ZNF488: variants seen among roughly 807,000 people sequenced by gnomAD.
ZNF488 encodes the protein zinc finger protein 488.
In ZNF488, 1 loss-of-function variant was observed where a neutral mutation model predicts 1.2. The ratio of observed to expected loss-of-function variants is 0.86; its 90% CI spans 0.30 to 4.07. The LOEUF is 4.07. ZNF488 is among the 30% of genes most tolerant of loss of function. The pLI, the probability that ZNF488 is intolerant of heterozygous loss-of-function variation, is 0.18. For synonymous variants in ZNF488, 185 were observed against 190.1 expected (o/e 0.97, Z 0.22); for missense variants, 450 against 437.9 (o/e 1.03, Z -0.25).
chr10:47,374,079 G>A (rs929513515), intron 1 of ZNF488, among the ~76,000 whole-genome samples: 3 of 152,194 alleles, frequency 2.0e-5, no homozygotes, highest in African/African-American at 7.2e-5. Context: ...GCTCGGGTAT[G>A]AGTCTCAACT....
intron 1 of ZNF488, among the ~76,000 whole-genome samples, chr10:47,380,802 T>G (rs1837915938): frequency 1.3e-5 from 2 of 152,396 alleles, no homozygotes; most frequent in Non-Finnish European, 2.9e-5. Context: ...GGGCAAGGCG[T>G]GGGTCCCCTC....
At chr10:47,377,919 A>G (rs1415769933) in intron 1 of ZNF488, among the ~76,000 whole-genome samples, 1 of 152,142 alleles carries the variant, frequency 6.6e-6, no homozygotes, top group Non-Finnish European at 1.5e-5. Context: ...CAGGAGTGCC[A>G]GGCCACTTCA....
intron 1 of ZNF488, among the ~76,000 whole-genome samples, chr10:47,378,699 A>G (rs554305405): frequency 1.4e-4 from 22 of 152,360 alleles, no homozygotes; most frequent in East Asian, 7.7e-4. Context: ...GGGATAAATC[A>G]GAGAGAAAGC....
intron 1 of ZNF488, among the ~76,000 whole-genome samples, chr10:47,372,570 GA>G (rs1412740073): frequency 1.3e-5 from 2 of 152,144 alleles, no homozygotes; most frequent in Non-Finnish European, 2.9e-5. Context: ...AAGAGAAGGA[GA>G]AAACAGAGAA....
At chr10:47,376,045 C>G (rs78769538) in intron 1 of ZNF488, among the ~76,000 whole-genome samples, 1 of 152,182 alleles carries the variant, frequency 6.6e-6, no homozygotes, top group South Asian at 2.1e-4. Flanking sequence ...TTAGGGGAGA[C>G]AGTCGTTCTT....
rs782050870 is a variant in ZNF488 at position 47,367,154 on chromosome 10, G to A, written c.*653C>T. On this transcript the variant is annotated 3_prime_UTR_variant, in exon 2 of 2. Coordinates refer to ENST00000585316, the MANE Select transcript of ZNF488 (RefSeq NM_153034.4). ...TAGCCCACCAGCCGAAGAAGAAAAC[G>A]AATATGACTTGATCAAATCTGAGAC... 11 of 167,206 alleles carry A rather than the reference G, an allele frequency of 6.6e-5. No individual in the cohort carries two copies. Among genetic ancestry groups the A allele is most frequent in the Admixed American group, 6.5e-5 (1 of 15,288 alleles). The allele number at this position is 167,206 out of a possible 1,614,324, so 10.4% of individuals were successfully genotyped here. A position where few individuals can be genotyped will look rare whatever the true frequency, so the allele number is the denominator to read the frequency against.
intron 1 of ZNF488, 120 bp downstream of exon 1, chr10:47,384,100 C>G (rs1277465767): frequency 2.0e-5 from 3 of 152,418 alleles, no homozygotes; most frequent in Non-Finnish European, 2.9e-5. Flanking sequence ...AAGGACCCCA[C>G]AGTCAAAGGC....
rs782087555 is a variant in ZNF488 at position 47,368,111 on chromosome 10, C to T, written c.719G>A (p.Trp240Ter). Residue 240 changes from tryptophan to a stop codon, truncating the protein, a stop_gained, in exon 2 of 2, where the codon TGG becomes TAG. Transcript: ENST00000585316. LOFTEE classifies it low-confidence loss of function (END_TRUNC). ...CSTFLGAPTL[W>*]LEHTQAQVPP... ...CACCTGGGCCTGGGTATGCTCCAGC[C>T]ACAGTGTAGGGGCACCCAGAAAAGT... 8.7e-6 allele frequency: 14 copies of T among 1,614,180 alleles called. No homozygotes were observed. Among genetic ancestry groups the T allele is most frequent in the Non-Finnish European group, 1.2e-5 (14 of 1,180,034 alleles).
chr10:47,375,088 G>A (rs974990772), intron 1 of ZNF488, among the ~76,000 whole-genome samples: 8 of 152,326 alleles, frequency 5.3e-5, no homozygotes, highest in South Asian at 2.1e-4. Context: ...GAAGGTTTTC[G>A]TCTCTGCCTG....
In ZNF488 at chr10:47,367,865, C is replaced by A; in HGVS notation, c.965G>T (p.Cys322Phe). Residue 322 changes from cysteine (C) to phenylalanine (F), a missense_variant, in exon 2 of 2, where the codon TGC (cysteine) becomes TTC (phenylalanine). By Grantham distance (205) the Cys-to-Phe change is radical (BLOSUM62 -2). Coordinates refer to ENST00000585316, the MANE Select transcript of ZNF488 (RefSeq NM_153034.4). ...RREEALACPV[C>F]QEHFRERHHL... ...GTGGCGCTCCCGGAAGTGCTCCTGG[C>A]ACACAGGGCAGGCAAGGGCCTCTTC... The A allele has an allele frequency of 1.2e-6, 2 of 1,613,868 alleles. No individual in the cohort carries two copies. The highest frequency in any genetic ancestry group is 1.7e-6 in the Non-Finnish European group (2 of 1,180,036).
At chr10:47,377,214 T>A (rs1424398564) in intron 1 of ZNF488, among the ~76,000 whole-genome samples, 1 of 152,192 alleles carries the variant, frequency 6.6e-6, no homozygotes, top group Non-Finnish European at 1.5e-5. Flanking sequence ...ACAAGAGCAG[T>A]CAGATGGCTT....
rs1396286812 is a variant in ZNF488 at position 47,375,341 on chromosome 10, T to C, written c.-108-6404A>G. On this transcript the variant is annotated intron_variant, in intron 1 of 1. Coordinates refer to ENST00000585316, the MANE Select transcript of ZNF488 (RefSeq NM_153034.4). ...CCTACGCTGTGGACGCTGCTCCACC[T>C]GCCGGTGCGGGGGCTTGCCACGGTC... Among the ~76,000 whole-genome samples, 4 of 152,222 alleles carry C rather than the reference T, an allele frequency of 2.6e-5. No individual in the cohort carries two copies. The East Asian group carries it at 7.7e-4, about 29-fold the overall frequency.
At chr10:47,377,929 A>G (rs1443058037) in intron 1 of ZNF488, among the ~76,000 whole-genome samples, 2 of 152,178 alleles carry the variant, frequency 1.3e-5, no homozygotes, top group African/African-American at 4.8e-5. Context: ...AGGCCACTTC[A>G]GGCACCTGGG....
At position 47,368,814 on chromosome 10, in the gene ZNF488, G is replaced by C. The variant is rs782149166; in HGVS notation, c.16C>G (p.Pro6Ala). 5.6e-6 allele frequency: 9 copies of C among 1,593,020 alleles called. No individual in the cohort carries two copies. The highest frequency in any genetic ancestry group is 7.7e-6 in the Non-Finnish European group (9 of 1,170,206). Residue 6 changes from proline (P) to alanine (A), a missense_variant, in exon 2 of 2, where the codon CCT becomes GCT. Physicochemically the swap from Pro to Ala is conservative, Grantham distance 27. Transcript: ENST00000585316. Reference sequence around the variant, plus strand: ...AGGGCCGGGGCCACAGATAAGCAAGGTGGCCACTCTGGCATTCATCAGTCT... The same window carrying C: ...AGGGCCGGGGCCACAGATAAGCAAGCTGGCCACTCTGGCATTCATCAGTCT... MPEWP[P>A]CLSVAPALVI...
chr10:47,381,534 C>T (rs1555215402), intron 1 of ZNF488, among the ~76,000 whole-genome samples: 1 of 152,292 alleles, frequency 6.6e-6, no homozygotes, highest in African/African-American at 2.4e-5. Flanking sequence ...CAGAGGCTGG[C>T]TGGTGGCACT....
intron 1 of ZNF488, among the ~76,000 whole-genome samples, chr10:47,371,500 A>AT: frequency 6.6e-6 from 1 of 152,336 alleles, no homozygotes; most frequent in East Asian, 1.9e-4. Context: ...TATACCATAT[A>AT]ATACACTATA....
intron 1 of ZNF488, among the ~76,000 whole-genome samples, chr10:47,372,417 G>C (rs1837505684): frequency 6.6e-6 from 1 of 151,308 alleles, no homozygotes; most frequent in African/African-American, 2.4e-5. Flanking sequence ...CCTCCTGTCA[G>C]CCCTCCCCAC....
chr10:47,370,467 T>C (rs576590372), intron 1 of ZNF488, among the ~76,000 whole-genome samples: 112 of 152,352 alleles, frequency 7.4e-4, no homozygotes, highest in Non-Finnish European at 1.4e-3. Flanking sequence ...GATTGGCCTG[T>C]GGGTGCCAAG....
chr10:47,378,957 C>CA (rs2132305637), intron 1 of ZNF488, among the ~76,000 whole-genome samples: 1 of 152,256 alleles, frequency 6.6e-6, no homozygotes, highest in East Asian at 1.9e-4. Context: ...GAGGCAGAAA[C>CA]ATCACTCCTC....
Sources: allele counts gnomAD v4.1 joint callset (sites outside exome capture counted in the v4.1 genomes callset), GRCh38; gene constraint gnomAD v4.1.1; transcripts MANE v1.5; gene names NCBI Gene and HGNC (gene_info 2026-07-23, HGNC 2026-07-21).